PACS2: variants seen among roughly 807,000 people sequenced by gnomAD.
PACS2 encodes the protein PACS1-like protein.
PACS2 carries 36 observed loss-of-function variants against 113.0 expected under a neutral mutation model. The observed-to-expected ratio is 0.32, with a 90% CI of 0.24 to 0.42. The LOEUF (loss-of-function observed/expected upper bound fraction) is 0.42, where lower values mean the gene tolerates loss of function less well. PACS2 is among the 10% of genes least tolerant of loss of function. The pLI, the probability that PACS2 is intolerant of heterozygous loss-of-function variation, is 1.00. For missense variants in PACS2, 1,015 were observed against 1,239.5 expected, an observed-to-expected ratio of 0.82 and a Z score of 2.72; for synonymous variants, 589 against 536.1, an observed-to-expected ratio of 1.10 and a Z score of -1.36.
rs1272158830 is a variant in PACS2, at chr14:105,329,539, C to A, written c.119+14502C>A. Reference sequence around the variant, plus strand: ...GCTCTAGATCCTTGGGCTCATGGGGCAGTAGAGTGGGGGGCTGTGGTCCTG... The same window carrying A: ...GCTCTAGATCCTTGGGCTCATGGGGAAGTAGAGTGGGGGGCTGTGGTCCTG... On this transcript the variant is annotated intron_variant, in intron 1 of 24. Transcript: ENST00000447393. This position sits in a 1 kb window ranked among gnomAD's most constrained non-coding sequence, Gnocchi z 6.4. Among the ~76,000 whole-genome samples, 4 of 152,094 alleles carry A rather than the reference C, an allele frequency of 2.6e-5. No individual in the cohort carries two copies. Among genetic ancestry groups the A allele is most frequent in the African/African-American group, 9.7e-5 (4 of 41,396 alleles).
intron 3 of PACS2, among the ~76,000 whole-genome samples, chr14:105,353,116 T>A (rs199932138): frequency 4.4e-5 from 2 of 45,234 alleles, no homozygotes; most frequent in Non-Finnish European, 8.1e-5. Context: ...TCCCCTGGGG[T>A]GACGGGCACC....
chr14:105,325,388 A>G (rs1011097845), intron 1 of PACS2, among the ~76,000 whole-genome samples: 11 of 152,184 alleles, frequency 7.2e-5, no homozygotes, highest in African/African-American at 2.4e-4. Context: ...CAGCCCTTGC[A>G]CAACCTTTCG....
At chr14:105,343,211 A>G (rs782559802) in intron 1 of PACS2, among the ~76,000 whole-genome samples, 10 of 152,336 alleles carry the variant, frequency 6.6e-5, no homozygotes, top group African/African-American at 2.2e-4. Context: ...GATCCATCCT[A>G]TCACGTATCG....
intron 15 of PACS2, 130 bp from the exon 16 acceptor site, chr14:105,383,229 C>T (rs782784869): frequency 1.3e-4 from 137 of 1,067,322 alleles, no homozygotes; most frequent in Non-Finnish European, 1.8e-4. Context: ...GCTTGGGCAG[C>T]TCCAGGGCAG....
chr14:105,322,109 T>A (rs2058915627), intron 1 of PACS2, among the ~76,000 whole-genome samples: 1 of 151,686 alleles, frequency 6.6e-6, no homozygotes, highest in South Asian at 2.1e-4. Flanking sequence ...AGTTAATTTT[T>A]GTATTTTTAG....
Position 105,323,066 on chromosome 14 carries a change from G to C in PACS2, c.119+8029G>C, listed in dbSNP as rs1200637802. Among the ~76,000 whole-genome samples the C allele has an allele frequency of 6.6e-6, 1 of 152,164 alleles. No individual in the cohort carries two copies. The highest frequency in any genetic ancestry group is 1.5e-5 in the Non-Finnish European group (1 of 68,020). On this transcript the variant is annotated intron_variant, in intron 1 of 24. Transcript: ENST00000447393. The surrounding 1 kb of genome is among the most constrained non-coding windows in gnomAD (Gnocchi z 4.1). ...GTGACAGGCTGGAGGGAGACGTCTG[G>C]GTGGCTTTGTGGTCATGTCATCGTT... is the stretch of plus-strand genomic sequence containing the variant.
In PACS2 at chr14:105,383,493, G is replaced by A. The variant is rs781868059; in HGVS notation, c.1760G>A (p.Arg587His). 4 of 1,599,314 alleles carry A rather than the reference G, an allele frequency of 2.5e-6. No individual in the cohort carries two copies. The highest frequency in any genetic ancestry group is 1.7e-5 in the Admixed American group (1 of 59,620). The change falls in exon 16 of 25, where the codon CGC (arginine) becomes CAC (histidine). Residue 587 changes from arginine to histidine, a missense_variant. Transcript: ENST00000447393. ...ACACCCGACTGGCTCGGCTACATGC[G>A]CTTCCTGGTCATCCCACTGGGTGAG... ...HKTPDWLGYM[R>H]FLVIPLGSHP...
chr14:105,377,428 G>A (rs1345049687), intron 9 of PACS2, among the ~76,000 whole-genome samples: 1 of 152,132 alleles, frequency 6.6e-6, no homozygotes, highest in Non-Finnish European at 1.5e-5. Flanking sequence ...AGGAGGAGAG[G>A]ATGCAGGGCA....
At position 105,348,521 on chromosome 14, in the gene PACS2, G is replaced by C. The variant is rs587618706; in HGVS notation, c.148G>C (p.Val50Leu). ...GTGCAGCCTGACTCTGAAGAAGCTG[G>C]TGGTCTTCAAGGAGCTGGAGAAGGA... ...RLCSLTLKKL[V>L]VFKELEKELI... Residue 50 changes from valine (V) to leucine (L), a missense_variant, in exon 2 of 25, where the codon GTG (valine) becomes CTG (leucine). Val to Leu is a conservative substitution (Grantham distance 32). This residue lies in a region of PACS2 where 140 missense variants were observed against 135.1 expected (regional missense o/e 1.04). Transcript: ENST00000447393. This position sits in a 1 kb window ranked among gnomAD's most constrained non-coding sequence, Gnocchi z 6.4. 2 of 1,612,532 alleles carry C rather than the reference G, an allele frequency of 1.2e-6. No individual in the cohort carries two copies. Among genetic ancestry groups the C allele is most frequent in the East Asian group, 4.5e-5 (2 of 44,876 alleles).
At chr14:105,369,327 A>T (rs1555408752) in intron 7 of PACS2, among the ~76,000 whole-genome samples, 2 of 152,142 alleles carry the variant, frequency 1.3e-5, no homozygotes, top group African/African-American at 4.8e-5. Flanking sequence ...TTGTGAAGGG[A>T]GGGCGTGGGC....
In PACS2 at chr14:105,382,064, G is replaced by C; in HGVS notation, c.1413+6G>C. On this transcript the variant is annotated splice_donor_region_variant and intron_variant, in intron 13 of 24. Transcript: ENST00000447393. ...AGCTACAGGTGCAGCTGCAGGTGGG[G>C]GTGGAGGGCGTGGCACGCCCAGGAG... 2 of 1,546,470 alleles carry C rather than the reference G, an allele frequency of 1.3e-6. No homozygotes were observed. Among genetic ancestry groups the C allele is most frequent in the Non-Finnish European group, 8.7e-7 (1 of 1,145,784 alleles).
At position 105,392,832 on chromosome 14, in the gene PACS2, G is replaced by A; in HGVS notation, c.2469G>A (p.Glu823=). The change falls in exon 23 of 25, where the codon GAG becomes GAA. Residue 823 remains glutamate (E), a synonymous_variant. Transcript: ENST00000447393. The part of the protein sequence containing the change: ...PTMSMTVVTK[E]KNKKVMFLPK... The stretch of plus-strand genomic sequence containing the variant: ...TGTCCATGACCGTGGTCACCAAGGA[G>A]AAGAACAAGAAGGGTGAGGTGGGGC... 6.2e-7 allele frequency: 1 copy of A among 1,602,496 alleles called. No homozygotes were observed. Among genetic ancestry groups the A allele is most frequent in the East Asian group, 2.2e-5 (1 of 44,866 alleles).
intron 8 of PACS2, 53 bp downstream of exon 8, chr14:105,369,953 G>A: frequency 6.8e-7 from 1 of 1,477,414 alleles, no homozygotes; most frequent in Non-Finnish European, 9.2e-7. Context: ...ACAGCACCTG[G>A]TCGGGAGGAG....
rs782505115 is a variant in PACS2, at chr14:105,384,381, C to G, written c.1809C>G (p.Gly603=). 2 of 1,611,894 alleles carry G rather than the reference C, an allele frequency of 1.2e-6. No homozygotes were observed. Among genetic ancestry groups the G allele is most frequent in the Admixed American group, 3.3e-5 (2 of 60,006 alleles). Residue 603 remains glycine (G), a synonymous_variant, in exon 17 of 25, where the codon GGC becomes GGG. Transcript: ENST00000447393. ...LGSHPVARYL[G]SVDYRYNNFF... is the part of the protein sequence containing the mutation. ...CCCACCCCGTGGCCAGGTACCTAGG[C>G]TCCGTGGACTACCGCTACAACAACT...
Position 105,315,188 on chromosome 14 carries a change from C to A in PACS2, c.119+151C>A, listed in dbSNP as rs1314227367. On this transcript the variant is annotated intron_variant, in intron 1 of 24. Transcript: ENST00000447393. This position sits in a 1 kb window ranked among gnomAD's most constrained non-coding sequence, Gnocchi z 4.4. ...CGCCCGCCGGTTCGACGCGTGCAGC[C>A]GCCGCCCCCCCGCAGCTCCGGCAAG... The A allele has an allele frequency of 1.7e-5, 5 of 299,900 alleles. No homozygotes were observed. Among genetic ancestry groups the A allele is most frequent in the East Asian group, 1.4e-4 (1 of 7,278 alleles). 18.6% of individuals were successfully genotyped at this position (299,900 alleles called of 1,614,324 possible). A position where few individuals can be genotyped will look rare whatever the true frequency, so the allele number is the denominator to read the frequency against.
chr14:105,378,685 T>C (rs1186864819), intron 9 of PACS2, among the ~76,000 whole-genome samples: 3 of 152,278 alleles, frequency 2.0e-5, no homozygotes, highest in Non-Finnish European at 4.4e-5. Flanking sequence ...ACACTACAGG[T>C]GTGAGCCAGT....
At chr14:105,368,386 C>A (rs141216726) in intron 6 of PACS2, 73 bp from the exon 7 acceptor site, 1 of 1,216,374 alleles carries the variant, frequency 8.2e-7, no homozygotes, top group Non-Finnish European at 1.2e-6. Flanking sequence ...CCATCGCCCA[C>A]GCTGAGGCTG....
intron 4 of PACS2, among the ~76,000 whole-genome samples, chr14:105,361,592 G>A (rs936022418): frequency 1.3e-5 from 2 of 152,172 alleles, no homozygotes; most frequent in African/African-American, 4.8e-5. Flanking sequence ...AGCTGAGATT[G>A]CACCAGTGCA....
In PACS2 at chr14:105,381,024, T is replaced by G; in HGVS notation, c.1193T>G (p.Leu398Arg). The change falls in exon 12 of 25, where the codon CTG becomes CGG. Residue 398 changes from leucine to arginine, a missense_variant. This residue lies in a region of PACS2 where 859 missense variants were observed against 1,056.8 expected (regional missense o/e 0.81). Coordinates refer to ENST00000447393, the MANE Select transcript of PACS2 (RefSeq NM_001100913.3). ...AGCCCCGAGGCTGAGGCCTCCACCC[T>G]GGATGTGTTCACGGAGAGGCTGCCG... ...EDSPEAEAST[L>R]DVFTERLPPS... 1 of 1,612,516 alleles carries G rather than the reference T, an allele frequency of 6.2e-7. No homozygotes were observed. The highest frequency in any genetic ancestry group is 8.5e-7 in the Non-Finnish European group (1 of 1,179,710).
Sources: allele counts gnomAD v4.1 joint callset (sites outside exome capture counted in the v4.1 genomes callset), GRCh38; gene constraint gnomAD v4.1.1; regional missense constraint gnomAD v4.1.1; non-coding constraint Gnocchi (gnomAD v3.1); transcripts MANE v1.5; gene names NCBI Gene and HGNC (gene_info 2026-07-23, HGNC 2026-07-21).